UNC5A: variants seen among roughly 807,000 people sequenced by gnomAD.
UNC5A encodes unc-5 netrin receptor A, also known as netrin receptor UNC5A.
A neutral mutation model predicts 87.4 loss-of-function variants in UNC5A; 20 were observed. That is an observed-to-expected ratio of 0.23 (90% confidence interval 0.16 to 0.33). The LOEUF (loss-of-function observed/expected upper bound fraction) is 0.33. UNC5A is among the 10% of genes least tolerant of loss of function. The pLI, the probability that UNC5A is intolerant of heterozygous loss-of-function variation, is 1.00. For missense variants in UNC5A, 844 were observed against 1,133.4 expected, an observed-to-expected ratio of 0.74 and a Z score of 3.67; for synonymous variants, 438 against 482.3, an observed-to-expected ratio of 0.91 and a Z score of 1.20.
rs1030377092 is a variant in UNC5A, at chr5:176,869,968, A to G, written c.722-402A>G. 6.6e-6 allele frequency among the ~76,000 whole-genome samples: 1 copy of G among 152,286 alleles called. No individual in the cohort carries two copies. On this transcript the variant is annotated intron_variant, in intron 5 of 14. Coordinates refer to ENST00000329542, the MANE Select transcript of UNC5A (RefSeq NM_133369.3). The surrounding 1 kb of genome is among the most constrained non-coding windows in gnomAD (Gnocchi z 9.1). ...GGAGTCAGGGCTCGATCTGTGTCCA[A>G]TGTCAGGGCTCAACATAGGGTGTAA...
At chr5:176,840,338 A>T (rs1581254667) in intron 1 of UNC5A, among the ~76,000 whole-genome samples, 2 of 152,146 alleles carry the variant, frequency 1.3e-5, no homozygotes, top group South Asian at 4.1e-4. Context: ...GCCCGCTGTG[A>T]GGGTGCAGGG....
intron 1 of UNC5A, among the ~76,000 whole-genome samples, chr5:176,834,742 C>G (rs1757110969): frequency 6.6e-6 from 1 of 151,534 alleles, no homozygotes; most frequent in Non-Finnish European, 1.5e-5. Context: ...CCCTCTCCCT[C>G]TCCCTCTCTC....
In UNC5A at chr5:176,865,095, G is replaced by A. The variant is rs1757939968; in HGVS notation, c.292+2250G>A. The A allele has an allele frequency of 3.0e-6, 1 of 332,160 alleles. No individual in the cohort carries two copies. The highest frequency in any genetic ancestry group is 6.0e-6 in the Non-Finnish European group (1 of 167,652). The allele number at this position is 332,160 out of a possible 1,614,324, so 20.6% of individuals were successfully genotyped here. A position where few individuals can be genotyped will look rare whatever the true frequency, so the allele number is the denominator to read the frequency against. ...GTCGGGGGAAGCCATGAAATCTCAC[G>A]TGCCCAGTCAGGACCCAGCACGGGG... On this transcript the variant is annotated intron_variant, in intron 2 of 14. Coordinates refer to ENST00000329542, the MANE Select transcript of UNC5A (RefSeq NM_133369.3). The surrounding 1 kb of genome is among the most constrained non-coding windows in gnomAD (Gnocchi z 5.3).
chr5:176,878,008 G>A lies in UNC5A; in HGVS notation c.1750G>A (p.Ala584Thr), dbSNP rs1165314932. Reference protein sequence around the residue: ...QLGRFALVGEALSVAAAKRLK... With the variant: ...QLGRFALVGETLSVAAAKRLK... Reference sequence around the variant, plus strand: ...GGGCCGCTTTGCCCTGGTGGGAGAGGCCCTCAGCGTGGCTGCCGCCAAGCG... The same window carrying A: ...GGGCCGCTTTGCCCTGGTGGGAGAGACCCTCAGCGTGGCTGCCGCCAAGCG... The change falls in exon 11 of 15, where the codon GCC (alanine) becomes ACC (threonine). Residue 584 changes from alanine (A) to threonine (T), a missense_variant. Around this residue, in one of 3 missense-constraint regions of UNC5A, gnomAD observed 353 missense variants for 387.5 expected, o/e 0.91. Transcript: ENST00000329542. 2 of 1,606,962 alleles carry A rather than the reference G, an allele frequency of 1.2e-6. No individual in the cohort carries two copies. The highest frequency in any genetic ancestry group is 1.1e-5 in the South Asian group (1 of 91,090).
intron 6 of UNC5A, among the ~76,000 whole-genome samples, chr5:176,872,645 C>G (rs1402633182): frequency 2.2e-5 from 3 of 138,006 alleles, no homozygotes; most frequent in Non-Finnish European, 4.7e-5. Context: ...CCCATCTGCC[C>G]ACACTCACCA....
At chr5:176,859,166 C>A (rs1222214272) in intron 1 of UNC5A, among the ~76,000 whole-genome samples, 8 of 90,940 alleles carry the variant, frequency 8.8e-5, no homozygotes, top group African/African-American at 2.3e-4. Flanking sequence ...CTACAATGTC[C>A]TTGCTAGAGG....
At chr5:176,843,863 C>A (rs1226763653) in intron 1 of UNC5A, among the ~76,000 whole-genome samples, 1 of 152,230 alleles carries the variant, frequency 6.6e-6, no homozygotes, top group Admixed American at 6.5e-5. Context: ...TGGCCCCTGG[C>A]GTTCTGACAG....
chr5:176,873,422 A>G (rs1161473607), intron 6 of UNC5A, among the ~76,000 whole-genome samples: 1 of 152,082 alleles, frequency 6.6e-6, no homozygotes, highest in East Asian at 1.9e-4. Flanking sequence ...CATTTATGCA[A>G]AACCCTTCTA....
At chr5:176,842,146 G>A (rs542172489) in intron 1 of UNC5A, among the ~76,000 whole-genome samples, 2 of 152,322 alleles carry the variant, frequency 1.3e-5, no homozygotes, top group African/African-American at 4.8e-5. Flanking sequence ...GCAGTGAGCC[G>A]AGATCGCACC....
At position 176,868,191 on chromosome 5, in the gene UNC5A, G is replaced by A; in HGVS notation, c.354G>A (p.Gly118=). 6.2e-7 allele frequency: 1 copy of A among 1,613,714 alleles called. No homozygotes were observed. The highest frequency in any genetic ancestry group is 8.5e-7 in the Non-Finnish European group (1 of 1,179,972). The change falls in exon 3 of 15, where the codon GGG becomes GGA. Residue 118 remains glycine (G), a synonymous_variant. Transcript: ENST00000329542. ...VSRQQVEKVF[G]LEEYWCQCVA... is the part of the protein sequence containing the mutation. Reference sequence around the variant, plus strand: ...GGCAGCAGGTCGAGAAGGTGTTCGGGCTGGAGGAATACTGGTGCCAGTGCG... The same window carrying A: ...GGCAGCAGGTCGAGAAGGTGTTCGGACTGGAGGAATACTGGTGCCAGTGCG...
chr5:176,859,139 G>A (rs1217415278), intron 1 of UNC5A, among the ~76,000 whole-genome samples: 1 of 119,972 alleles, frequency 8.3e-6, no homozygotes, highest in Non-Finnish European at 1.7e-5. Context: ...GAATGCCCTT[G>A]CTAGAGGGCA....
At chr5:176,856,527 G>A (rs1362491174) in intron 1 of UNC5A, among the ~76,000 whole-genome samples, 1 of 152,234 alleles carries the variant, frequency 6.6e-6, no homozygotes, top group Non-Finnish European at 1.5e-5. Flanking sequence ...GGAGTTTATG[G>A]TCTAACAAGG....
intron 3 of UNC5A, 47 bp from the exon 4 acceptor site, chr5:176,868,514 C>G: frequency 6.5e-7 from 1 of 1,549,334 alleles, no homozygotes; most frequent in Non-Finnish European, 8.7e-7. Context: ...CCAGGCTGAG[C>G]CTGTGCGAGG....
rs1445991100 is a variant in UNC5A at position 176,880,221 on chromosome 5, A to T, written c.*335A>T. ...GTCCCTCTCCAGGGGCCCCGCATAC[A>T]CACGGCCATGCACGCACACACTGGG... is the stretch of plus-strand genomic sequence containing the variant. On this transcript the variant is annotated 3_prime_UTR_variant, in exon 15 of 15. Transcript: ENST00000329542. The T allele has an allele frequency of 7.9e-6, 2 of 252,186 alleles. No individual in the cohort carries two copies. The highest frequency in any genetic ancestry group is 1.5e-5 in the Non-Finnish European group (2 of 129,130). The allele number at this position is 252,186 out of a possible 1,614,324, so 15.6% of individuals were successfully genotyped here.
At chr5:176,878,766 C>G in intron 13 of UNC5A, 127 bp downstream of exon 13, 1 of 1,283,592 alleles carries the variant, frequency 7.8e-7, no homozygotes, top group Non-Finnish European at 1.1e-6. Context: ...CCAGGCCCAC[C>G]TCCTCCTAGA....
chr5:176,849,514 A>G (rs894763104), intron 1 of UNC5A, among the ~76,000 whole-genome samples: 1 of 152,186 alleles, frequency 6.6e-6, no homozygotes, highest in Non-Finnish European at 1.5e-5. Context: ...CAACCAGGGA[A>G]GTGGAGGTTG....
chr5:176,821,218 T>C (rs1289277866), intron 1 of UNC5A, among the ~76,000 whole-genome samples: 1 of 152,202 alleles, frequency 6.6e-6, no homozygotes, highest in East Asian at 1.9e-4. Flanking sequence ...CTTCCGAGCG[T>C]GGTTCCTCCA....
chr5:176,846,428 AAG>A, intron 1 of UNC5A, among the ~76,000 whole-genome samples: 1 of 152,178 alleles, frequency 6.6e-6, no homozygotes, highest in East Asian at 1.9e-4. Flanking sequence ...CAAGACAGCA[AAG>A]AGTTTAATGA....
intron 13 of UNC5A, among the ~76,000 whole-genome samples, 165 bp downstream of exon 13, chr5:176,878,804 CAG>C (rs996891192): frequency 7.9e-5 from 12 of 152,156 alleles, no homozygotes; most frequent in Non-Finnish European, 4.4e-5. Flanking sequence ...CTCCCAGACT[CAG>C]AGACAGGGAG....
Sources: gnomAD v4.1 joint callset for allele counts (sites outside exome capture counted in the v4.1 genomes callset) on GRCh38, gnomAD v4.1.1 for gene constraint, gnomAD v4.1.1 regional missense constraint, Gnocchi (gnomAD v3.1) non-coding constraint, MANE v1.5 for transcripts, NCBI Gene and HGNC (gene_info 2026-07-23, HGNC 2026-07-21) for gene names.